FAM178B: variants seen among roughly 807,000 people sequenced by gnomAD.
The protein encoded by FAM178B is protein FAM178B.
Under a neutral mutation model 91.7 loss-of-function variants are expected in FAM178B, and 82 were observed. That is an observed-to-expected ratio of 0.89 (90% confidence interval 0.75 to 1.07). FAM178B has a LOEUF of 1.07. Among genes scored for constraint, FAM178B ranks in the 50% least tolerant of loss-of-function variants. The pLI, the probability that FAM178B is intolerant of heterozygous loss-of-function variation, is 0.00. For missense variants in FAM178B, 769 were observed against 846.7 expected (o/e 0.91, Z 1.14); for synonymous variants, 368 against 359.4 (o/e 1.02, Z -0.27).
intron 12 of FAM178B, among the ~76,000 whole-genome samples, chr2:96,910,319 C>T (rs527907582): frequency 3.3e-5 from 5 of 152,216 alleles, no homozygotes; most frequent in South Asian, 2.1e-4. Context: ...AGCAGTGAGA[C>T]GCCGTCCCAC....
chr2:96,884,465 C>A (rs999553152), intron 14 of FAM178B, among the ~76,000 whole-genome samples: 4 of 152,202 alleles, frequency 2.6e-5, no homozygotes, highest in African/African-American at 4.8e-5. Context: ...CAGGCTGGGC[C>A]CCCGGGGCAC....
intron 6 of FAM178B, among the ~76,000 whole-genome samples, chr2:96,955,397 G>T (rs992286655): frequency 1.3e-5 from 2 of 152,104 alleles, no homozygotes; most frequent in African/African-American, 4.8e-5. Flanking sequence ...TGTAGGCCCA[G>T]CTACTCGGGA....
At chr2:96,884,795 C>T (rs1356683606) in intron 14 of FAM178B, among the ~76,000 whole-genome samples, 2 of 152,228 alleles carry the variant, frequency 1.3e-5, no homozygotes, top group Non-Finnish European at 2.9e-5. Context: ...CTTTGGCAGA[C>T]ACTAAAGAAG....
At position 96,986,356 on chromosome 2, in the gene FAM178B, G is replaced by C. The variant is rs2153376816; in HGVS notation, c.-43C>G. ...GCTCCGGGGTGAGGGAGGGTGGCGG[G>C]AATTCGCACGGCCTCAGAGGACGGG... On this transcript the variant is annotated 5_prime_UTR_variant, in exon 1 of 17. Coordinates refer to ENST00000490605, the MANE Select transcript of FAM178B (RefSeq NM_001122646.3). 6.6e-7 allele frequency: 1 copy of C among 1,526,656 alleles called. No individual in the cohort carries two copies. The highest frequency in any genetic ancestry group is 8.7e-7 in the Non-Finnish European group (1 of 1,143,754). 94.6% of individuals were successfully genotyped at this position (1,526,656 alleles called of 1,614,324 possible). A position where few individuals can be genotyped will look rare whatever the true frequency, so the allele number is the denominator to read the frequency against.
At chr2:96,959,128 G>A (rs2082044208) in intron 6 of FAM178B, among the ~76,000 whole-genome samples, 1 of 151,012 alleles carries the variant, frequency 6.6e-6, no homozygotes, top group Non-Finnish European at 1.5e-5. Flanking sequence ...GAACCCAGGA[G>A]GCGGAGGTTG....
Position 96,960,288 on chromosome 2 carries a change from C to T in FAM178B, c.887G>A (p.Ser296Asn). The T allele has an allele frequency of 1.9e-6, 3 of 1,551,706 alleles. No homozygotes were observed. Among genetic ancestry groups the T allele is most frequent in the Non-Finnish European group, 2.6e-6 (3 of 1,146,988 alleles). Residue 296 changes from serine to asparagine, a missense_variant and splice_region_variant, in exon 6 of 17, where the codon AGC becomes AAC. Ser to Asn is a conservative substitution (Grantham distance 46). Transcript: ENST00000490605. ...PRSHLEGLFLSSPPAQQLSFL... is the reference protein window; with the variant it reads ...PRSHLEGLFLNSPPAQQLSFL... ...CCTCACCCCTCCTCCCCACACTTAC[C>T]TGAGGAACAGCCCTTCCAGGTGGCT...
intron 12 of FAM178B, among the ~76,000 whole-genome samples, chr2:96,906,174 G>A (rs1168367929): frequency 2.0e-5 from 3 of 148,432 alleles, no homozygotes; most frequent in African/African-American, 4.9e-5. Flanking sequence ...GTGAGCCACC[G>A]CGCCCAGCCA....
At chr2:96,962,111 G>A (rs573196787) in intron 5 of FAM178B, among the ~76,000 whole-genome samples, 61 of 152,246 alleles carry the variant, frequency 4.0e-4, no homozygotes, top group African/African-American at 1.3e-3. Flanking sequence ...AGACCAGCCT[G>A]GCCAACATGG....
chr2:96,948,370 A>G (rs1466296464), intron 7 of FAM178B, among the ~76,000 whole-genome samples: 1 of 152,174 alleles, frequency 6.6e-6, no homozygotes, highest in Non-Finnish European at 1.5e-5. Flanking sequence ...GCCTTAACAC[A>G]CTGTCATCTG....
At chr2:96,985,270 C>T (rs2082408244) in intron 1 of FAM178B, among the ~76,000 whole-genome samples, 1 of 152,196 alleles carries the variant, frequency 6.6e-6, no homozygotes, top group South Asian at 2.1e-4. Context: ...TCTCCTCCAT[C>T]TCACATTCTT....
chr2:96,951,461 G>A lies in FAM178B; in HGVS notation c.911C>T (p.Ser304Phe), dbSNP rs2081926559. The change falls in exon 7 of 17, where the codon TCC becomes TTC. Residue 304 changes from serine (S) to phenylalanine (F), a missense_variant. Coordinates refer to ENST00000490605, the MANE Select transcript of FAM178B (RefSeq NM_001122646.3). The part of the protein sequence containing the change: ...FLSSPPAQQL[S>F]FLRSGLLNIL... The stretch of plus-strand genomic sequence containing the variant: ...GTTCAGGAGGCCACTGCGCAGGAAG[G>A]AGAGCTGTTGGGCTGGCGGGGAGCT... 10 of 1,551,672 alleles carry A rather than the reference G, an allele frequency of 6.4e-6. No homozygotes were observed. Among genetic ancestry groups the A allele is most frequent in the Non-Finnish European group, 8.7e-6 (10 of 1,146,932 alleles).
chr2:96,877,680 C>T, intron 16 of FAM178B: 1 of 581,292 alleles, frequency 1.7e-6, no homozygotes, highest in Non-Finnish European at 3.1e-6. Context: ...CAGGCGTGAG[C>T]TACCACGCCC....
At chr2:96,924,466 A>C (rs528919963) in intron 9 of FAM178B, among the ~76,000 whole-genome samples, 2 of 152,206 alleles carry the variant, frequency 1.3e-5, no homozygotes, top group Non-Finnish European at 1.5e-5. Context: ...AGATGATGTT[A>C]GAGACCAGGG....
At chr2:96,963,378 T>G (rs759998550) in intron 5 of FAM178B, among the ~76,000 whole-genome samples, 26 of 152,268 alleles carry the variant, frequency 1.7e-4, no homozygotes, top group Non-Finnish European at 2.4e-4. Flanking sequence ...CAAAGTGCTC[T>G]TGCCGAGGAA....
chr2:96,966,349 C>G (rs960244667), intron 5 of FAM178B, among the ~76,000 whole-genome samples: 1 of 152,132 alleles, frequency 6.6e-6, no homozygotes, highest in African/African-American at 2.4e-5. Flanking sequence ...GAGCCTTCAT[C>G]ATCAAAGCCC....
intron 14 of FAM178B, among the ~76,000 whole-genome samples, chr2:96,888,010 G>GCAGCT: frequency 6.6e-6 from 1 of 152,062 alleles, no homozygotes; most frequent in Non-Finnish European, 1.5e-5. Flanking sequence ...AAGCCTGCTC[G>GCAGCT]TACACTTGCA....
intron 14 of FAM178B, among the ~76,000 whole-genome samples, chr2:96,893,554 C>T (rs1384022820): frequency 2.6e-5 from 4 of 152,050 alleles, no homozygotes; most frequent in Non-Finnish European, 5.9e-5. Flanking sequence ...CGAGACAACC[C>T]TGCGCTTATC....
chr2:96,951,056 G>A (rs888547915), intron 7 of FAM178B, among the ~76,000 whole-genome samples: 1 of 152,168 alleles, frequency 6.6e-6, no homozygotes, highest in African/African-American at 2.4e-5. Flanking sequence ...TAAGTCCACT[G>A]GGTACACCAG....
Position 96,911,012 on chromosome 2 carries a change from C to T in FAM178B, c.1563-8305G>A, listed in dbSNP as rs540949996. On this transcript the variant is annotated intron_variant, in intron 12 of 16. Transcript: ENST00000490605. ...TGAACTCTTGACCTCAAGTGATCCA[C>T]CTGCCTCAGCCTCCCAAAGTGCTGG... Among the ~76,000 whole-genome samples, 6 of 152,262 alleles carry T rather than the reference C, an allele frequency of 3.9e-5. No individual in the cohort carries two copies. The South Asian group carries it at 1.2e-3, about 32-fold the overall frequency.
Sources: allele counts gnomAD v4.1 joint callset (sites outside exome capture counted in the v4.1 genomes callset), GRCh38; gene constraint gnomAD v4.1.1; transcripts MANE v1.5; gene names NCBI Gene and HGNC (gene_info 2026-07-23, HGNC 2026-07-21).